Variants in CDH13 observed in about 807,000 individuals in gnomAD.
CDH13 encodes the protein cadherin 13.
Under a neutral mutation model 63.8 loss-of-function variants are expected in CDH13, and 24 were observed. That is an observed-to-expected ratio of 0.38 (90% CI 0.27 to 0.53). The LOEUF (loss-of-function observed/expected upper bound fraction) is 0.53. Among genes scored for constraint, CDH13 ranks in the 20% least tolerant of loss-of-function variants. The pLI, the probability that CDH13 is intolerant of heterozygous loss-of-function variation, is 0.85. For missense variants in CDH13, 1,049 were observed against 903.1 expected, an observed-to-expected ratio of 1.16 and a Z score of -2.07; for synonymous variants, 503 against 355.3, an observed-to-expected ratio of 1.42 and a Z score of -4.67.
chr16:83,102,965 T>TTTTTTTTTC (rs2034570357), intron 3 of CDH13, among the ~76,000 whole-genome samples: 7 of 107,862 alleles, frequency 6.5e-5, no homozygotes, highest in East Asian at 2.8e-4. Context: ...TTTTTTTTTT[T>TTTTTTTTTC]TTTTTGAGGT....
intron 6 of CDH13, among the ~76,000 whole-genome samples, chr16:83,394,802 A>G (rs1255852201): frequency 6.6e-6 from 1 of 152,128 alleles, no homozygotes; most frequent in Non-Finnish European, 1.5e-5. Flanking sequence ...CAGGGGTTTG[A>G]AAGGGCTGAC....
At chr16:82,912,584 T>G (rs999951879) in intron 2 of CDH13, among the ~76,000 whole-genome samples, 1 of 152,212 alleles carries the variant, frequency 6.6e-6, no homozygotes, top group East Asian at 1.9e-4. Context: ...TCTTAGTTGG[T>G]TCTGCTCCAT....
intron 4 of CDH13, among the ~76,000 whole-genome samples, chr16:83,199,513 A>G (rs1166195422): frequency 6.6e-6 from 1 of 152,220 alleles, no homozygotes; most frequent in African/African-American, 2.4e-5. Flanking sequence ...AAGTTAAAAA[A>G]AGCAATAGAA....
chr16:83,715,313 T>C (rs907288717), intron 10 of CDH13, among the ~76,000 whole-genome samples: 4 of 152,196 alleles, frequency 2.6e-5, no homozygotes, highest in African/African-American at 9.7e-5. Context: ...TGGATAATGC[T>C]TCATTCACAG....
chr16:83,109,291 C>T (rs1015579130), intron 3 of CDH13, among the ~76,000 whole-genome samples: 1 of 152,058 alleles, frequency 6.6e-6, no homozygotes, highest in African/African-American at 2.4e-5. Context: ...CTCGTGAGTG[C>T]AGTATGGTGG....
chr16:83,381,254 C>T (rs1397013804), intron 6 of CDH13, among the ~76,000 whole-genome samples: 1 of 152,070 alleles, frequency 6.6e-6, no homozygotes, highest in Non-Finnish European at 1.5e-5. Flanking sequence ...GTGAGCACAT[C>T]TCTTTAGCCT....
chr16:83,268,921 C>T (rs59470979), intron 5 of CDH13, among the ~76,000 whole-genome samples: 11,411 of 43,814 alleles, frequency 0.26, 470 homozygotes, highest in East Asian at 0.52. Flanking sequence ...TAAACTCTGC[C>T]ACAAGCCAAA....
chr16:82,734,857 G>T (rs531299975), intron 1 of CDH13, among the ~76,000 whole-genome samples: 6 of 152,198 alleles, frequency 3.9e-5, no homozygotes, highest in African/African-American at 1.4e-4. Context: ...GAGAAGCTGA[G>T]AGCCGAGGGC....
At chr16:83,208,354 C>T (rs2039241676) in intron 4 of CDH13, among the ~76,000 whole-genome samples, 1 of 152,152 alleles carries the variant, frequency 6.6e-6, no homozygotes, top group Non-Finnish European at 1.5e-5. Flanking sequence ...ATTTCAAAGG[C>T]ATGGCAAGGA....
chr16:83,678,291 C>T lies in CDH13; in HGVS notation c.1368C>T (p.Tyr456=), dbSNP rs116158714. The T allele has an allele frequency of 2.7e-4, 432 of 1,613,980 alleles. 2 individuals are homozygous for T. The African/African-American group carries it at 4.4e-3, about 17-fold the overall frequency. The change falls in exon 10 of 14, where the codon TAC becomes TAT. Residue 456 remains tyrosine (Y), a synonymous_variant. Transcript: ENST00000567109. Reference sequence around the variant, plus strand: ...ACCCACTCGTACCCGACGTCTCCTACGGCCCCAGCTCCACAGCCACCGTCC... The same window carrying T: ...ACCCACTCGTACCCGACGTCTCCTATGGCCCCAGCTCCACAGCCACCGTCC... The part of the protein sequence containing the change: ...NEDPLVPDVS[Y]GPSSTATVHI...
intron 10 of CDH13, among the ~76,000 whole-genome samples, chr16:83,738,744 A>G (rs1333117155): frequency 1.3e-5 from 2 of 152,158 alleles, no homozygotes; most frequent in African/African-American, 4.8e-5. Flanking sequence ...CATCACTACT[A>G]AACATACAAA....
intron 8 of CDH13, among the ~76,000 whole-genome samples, chr16:83,647,305 T>C: frequency 7.7e-6 from 1 of 130,322 alleles, no homozygotes; most frequent in African/African-American, 3.0e-5. Context: ...AGAGTGAGAC[T>C]CTGTCTCAAA....
In CDH13 at chr16:83,169,127, A is replaced by G. The variant is rs537092851; in HGVS notation, c.483+43626A>G. On this transcript the variant is annotated intron_variant, in intron 4 of 13. Coordinates refer to ENST00000567109, the MANE Select transcript of CDH13 (RefSeq NM_001257.5). ...AATAACACTATGGTATATGACATCTATGGCATATGACAGTCCCTGCTTACC... is the reference window on the plus strand; with the variant it reads ...AATAACACTATGGTATATGACATCTGTGGCATATGACAGTCCCTGCTTACC... 6.6e-5 allele frequency among the ~76,000 whole-genome samples: 10 copies of G among 152,190 alleles called. No homozygotes were observed. The East Asian group carries it at 1.7e-3, about 26-fold the overall frequency.
chr16:82,841,421 A>C (rs2039005037), intron 1 of CDH13, among the ~76,000 whole-genome samples: 1 of 152,186 alleles, frequency 6.6e-6, no homozygotes, highest in Non-Finnish European at 1.5e-5. Context: ...ACAAACTTTC[A>C]AGGTCAAATT....
intron 1 of CDH13, among the ~76,000 whole-genome samples, chr16:82,748,356 T>C (rs1370560035): frequency 1.3e-5 from 2 of 152,236 alleles, no homozygotes; most frequent in Non-Finnish European, 2.9e-5. Context: ...GTATCAGCTT[T>C]TATTCTGACT....
At chr16:83,217,267 C>A (rs919083102) in intron 4 of CDH13, 78 bp from the exon 5 acceptor site, 3 of 1,457,148 alleles carry the variant, frequency 2.1e-6, no homozygotes, top group Admixed American at 1.7e-5. Context: ...TAGTGAATTG[C>A]TCATGGGAGT....
At chr16:83,090,141 C>G (rs991789411) in intron 3 of CDH13, among the ~76,000 whole-genome samples, 1 of 152,148 alleles carries the variant, frequency 6.6e-6, no homozygotes, top group African/African-American at 2.4e-5. Context: ...CTTCCTCCTA[C>G]CCCAGGTCCC....
At chr16:83,732,315 G>T (rs2150952624) in intron 10 of CDH13, among the ~76,000 whole-genome samples, 1 of 152,286 alleles carries the variant, frequency 6.6e-6, no homozygotes, top group African/African-American at 2.4e-5. Context: ...GAGTGATAAT[G>T]AACCAGCCAA....
intron 3 of CDH13, among the ~76,000 whole-genome samples, chr16:83,099,229 T>C (rs1451668857): frequency 6.6e-6 from 1 of 152,192 alleles, no homozygotes; most frequent in African/African-American, 2.4e-5. Flanking sequence ...TTACACAAAG[T>C]AGGTGCTCTT....
Sources: allele counts gnomAD v4.1 joint callset (sites outside exome capture counted in the v4.1 genomes callset), GRCh38; gene constraint gnomAD v4.1.1; transcripts MANE v1.5; gene names NCBI Gene and HGNC (gene_info 2026-07-23, HGNC 2026-07-21).